FBN2: variants seen among roughly 807,000 people sequenced by gnomAD.
FBN2 encodes fibrillin 2.
A neutral mutation model predicts 355.6 loss-of-function variants in FBN2; 105 were observed. The ratio of observed to expected loss-of-function variants is 0.30; its 90% CI spans 0.25 to 0.35. The LOEUF (loss-of-function observed/expected upper bound fraction) is 0.35. FBN2 is among the 10% of genes least tolerant of loss of function. FBN2 has a pLI of 1.00. For missense variants in FBN2, 3,280 were observed against 3,758.7 expected, an observed-to-expected ratio of 0.87 and a Z score of 3.33; for synonymous variants, 1,350 against 1,301.2, an observed-to-expected ratio of 1.04 and a Z score of -0.81.
chr5:128,361,321 A>G (rs1251336823), intron 19 of FBN2, among the ~76,000 whole-genome samples: 4 of 152,246 alleles, frequency 2.6e-5, no homozygotes, highest in Non-Finnish European at 4.4e-5. Context: ...CATTTCATAA[A>G]TAAAATGCCT....
At chr5:128,352,655 T>C (rs542772887) in intron 20 of FBN2, among the ~76,000 whole-genome samples, 4 of 152,292 alleles carry the variant, frequency 2.6e-5, no homozygotes, top group African/African-American at 9.6e-5. Flanking sequence ...TGCATAATAT[T>C]ACCAAGACAC....
intron 6 of FBN2, among the ~76,000 whole-genome samples, chr5:128,446,928 T>C (rs565074933): frequency 6.6e-6 from 1 of 152,222 alleles, no homozygotes; most frequent in South Asian, 2.1e-4. Context: ...GAAGATTTCA[T>C]GGACATTTAT....
At chr5:128,301,056 C>T in intron 47 of FBN2, 120 bp from the exon 48 acceptor site, 2 of 889,052 alleles carry the variant, frequency 2.2e-6, no homozygotes, top group Non-Finnish European at 3.6e-6. Context: ...TACTGGGTCA[C>T]CATGAACAAA....
In FBN2 at chr5:128,374,695, A is replaced by G. The variant is rs371381077; in HGVS notation, c.2028T>C (p.Ser676=). 1.9e-6 allele frequency: 3 copies of G among 1,613,982 alleles called. No individual in the cohort carries two copies. Among genetic ancestry groups the G allele is most frequent in the Non-Finnish European group, 2.5e-6 (3 of 1,179,900 alleles). The change falls in exon 15 of 65, where the codon AGT becomes AGC. Residue 676 remains serine, a synonymous_variant. Transcript: ENST00000262464. ...GICMNGHCIN[S]EGSFRCDCPP... ...GACAGTCACAGCGGAAGGACCCTTC[A>G]CTGTTGATGCAGTGCCCATTCATGC...
At position 128,259,634 on chromosome 5, in the gene FBN2, T is replaced by C; in HGVS notation, c.8560A>G (p.Ser2854Gly). Residue 2854 changes from serine to glycine, a missense_variant, in exon 65 of 65, where the codon AGC (serine) becomes GGC (glycine). Ser to Gly is a moderately conservative substitution (Grantham distance 56). This residue lies in a region of FBN2 where 311 missense variants were observed against 319.1 expected (regional missense o/e 0.97). Coordinates refer to ENST00000262464, the MANE Select transcript of FBN2 (RefSeq NM_001999.4). Reference sequence around the variant, plus strand: ...TTCTTCTTGGCCGTGTGCAAGTAGCTGAGCCCATTCCTTTGGTGGATGCGG... The same window carrying C: ...TTCTTCTTGGCCGTGTGCAAGTAGCCGAGCCCATTCCTTTGGTGGATGCGG... ...VFRIHQRNGL[S>G]YLHTAKKKLM... 1 of 1,614,120 alleles carries C rather than the reference T, an allele frequency of 6.2e-7. No individual in the cohort carries two copies. The highest frequency in any genetic ancestry group is 8.5e-7 in the Non-Finnish European group (1 of 1,180,020).
At chr5:128,497,833 GC>G (rs953919798) in intron 5 of FBN2, among the ~76,000 whole-genome samples, 1 of 152,130 alleles carries the variant, frequency 6.6e-6, no homozygotes, top group African/African-American at 2.4e-5. Flanking sequence ...AAAATTATTA[GC>G]CATTTGTATC....
At chr5:128,279,020 TAC>T (rs1476573115) in intron 56 of FBN2, among the ~76,000 whole-genome samples, 179 bp from the exon 57 acceptor site, 12 of 152,330 alleles carry the variant, frequency 7.9e-5, no homozygotes, top group Non-Finnish European at 1.2e-4. Context: ...CACTACAGAC[TAC>T]AGTCTATTAA....
intron 25 of FBN2, among the ~76,000 whole-genome samples, chr5:128,342,604 C>G (rs896769315): frequency 6.6e-6 from 1 of 151,936 alleles, no homozygotes; most frequent in African/African-American, 2.4e-5. Context: ...GAGAGAGGAG[C>G]GAACCTGCTG....
At chr5:128,498,334 T>C (rs1382390279) in intron 5 of FBN2, among the ~76,000 whole-genome samples, 2 of 152,228 alleles carry the variant, frequency 1.3e-5, no homozygotes, top group Non-Finnish European at 2.9e-5. Flanking sequence ...GGATAATTAA[T>C]GAATATAGCA....
At chr5:128,461,550 CAT>C (rs781643160) in intron 6 of FBN2, among the ~76,000 whole-genome samples, 3 of 152,188 alleles carry the variant, frequency 2.0e-5, no homozygotes, top group African/African-American at 4.8e-5. Flanking sequence ...CACATGCACA[CAT>C]ATGTTTATTG....
At chr5:128,509,605 T>G (rs1384163677) in intron 5 of FBN2, among the ~76,000 whole-genome samples, 1 of 152,212 alleles carries the variant, frequency 6.6e-6, no homozygotes, top group Non-Finnish European at 1.5e-5. Flanking sequence ...CCTGCTTCTT[T>G]ACACAAAATT....
At chr5:128,303,684 A>T (rs1749782541) in intron 45 of FBN2, among the ~76,000 whole-genome samples, 1 of 152,128 alleles carries the variant, frequency 6.6e-6, no homozygotes, top group Non-Finnish European at 1.5e-5. Flanking sequence ...TACCACACCA[A>T]AAAAAGGGTG....
At chr5:128,380,471 C>G (rs1247429081) in intron 11 of FBN2, among the ~76,000 whole-genome samples, 4 of 152,096 alleles carry the variant, frequency 2.6e-5, no homozygotes, top group Admixed American at 2.6e-4. Context: ...GTTTTCTCCC[C>G]TGGAGAGTCT....
intron 38 of FBN2, 73 bp from the exon 39 acceptor site, chr5:128,311,498 A>G: frequency 6.6e-7 from 1 of 1,516,574 alleles, no homozygotes; most frequent in Non-Finnish European, 9.1e-7. Flanking sequence ...AGAGCTTTCA[A>G]AAGTGTGATC....
chr5:128,369,264 T>G lies in FBN2; in HGVS notation c.2166A>C (p.Ala722=). The change falls in exon 16 of 65, where the codon GCA becomes GCC. Residue 722 remains alanine (A), a synonymous_variant. Coordinates refer to ENST00000262464, the MANE Select transcript of FBN2 (RefSeq NM_001999.4). ...KGVCVRPFPG[A]VTKSECCCAN... Reference sequence around the variant, plus strand: ...CACAGCAGCATTCGGACTTGGTCACTGCACCGGGGAAAGGACGCACACACA... The same window carrying G: ...CACAGCAGCATTCGGACTTGGTCACGGCACCGGGGAAAGGACGCACACACA... 6.2e-7 allele frequency: 1 copy of G among 1,614,158 alleles called. No individual in the cohort carries two copies. The highest frequency in any genetic ancestry group is 2.2e-5 in the East Asian group (1 of 44,870).
chr5:128,448,840 G>A (rs1024807411), intron 6 of FBN2, among the ~76,000 whole-genome samples: 2 of 151,782 alleles, frequency 1.3e-5, no homozygotes, highest in African/African-American at 2.4e-5. Flanking sequence ...TGGAATTGTC[G>A]TCCTCTTACT....
At chr5:128,449,459 A>AT (rs1754177229) in intron 6 of FBN2, among the ~76,000 whole-genome samples, 1 of 146,820 alleles carries the variant, frequency 6.8e-6, no homozygotes, top group African/African-American at 2.5e-5. Context: ...TATACTATAT[A>AT]ATAGTATACT....
chr5:128,350,289 G>C (rs1751311728), intron 21 of FBN2, among the ~76,000 whole-genome samples: 1 of 152,208 alleles, frequency 6.6e-6, no homozygotes, highest in African/African-American at 2.4e-5. Flanking sequence ...GTCAGGCGCG[G>C]TGGCTCACGC....
chr5:128,508,056 ATCT>A (rs1192968292), intron 5 of FBN2, among the ~76,000 whole-genome samples: 1 of 152,012 alleles, frequency 6.6e-6, no homozygotes. Flanking sequence ...TTGCTCTGAA[ATCT>A]TCTTTGTCTG....
Sources: allele counts gnomAD v4.1 joint callset (sites outside exome capture counted in the v4.1 genomes callset), GRCh38; gene constraint gnomAD v4.1.1; regional missense constraint gnomAD v4.1.1; transcripts MANE v1.5; gene names NCBI Gene and HGNC (gene_info 2026-07-23, HGNC 2026-07-21).